The following DUSP6 variants were observed in gnomAD, a reference collection of about 807,000 sequenced individuals.
DUSP6 encodes the protein dual specificity protein phosphatase 6.
A neutral mutation model predicts 28.0 loss-of-function variants in DUSP6; 6 were observed. The observed-to-expected ratio is 0.21, with a 90% CI of 0.12 to 0.42. The LOEUF (loss-of-function observed/expected upper bound fraction) is 0.42, where lower values mean the gene tolerates loss of function less well. Among genes scored for constraint, DUSP6 ranks in the 10% least tolerant of loss-of-function variants. DUSP6 has a pLI of 1.00. For missense variants in DUSP6, 451 were observed against 498.1 expected, an observed-to-expected ratio of 0.91 and a Z score of 0.90; for synonymous variants, 252 against 217.5, an observed-to-expected ratio of 1.16 and a Z score of -1.40.
In DUSP6 at chr12:89,347,606, C is replaced by G. The variant is rs1183613472; in HGVS notation, c.*1648G>C. 3 of 152,170 alleles carry G rather than the reference C, an allele frequency of 2.0e-5. No homozygotes were observed. Among genetic ancestry groups the G allele is most frequent in the African/African-American group, 7.2e-5 (3 of 41,438 alleles). 9.4% of individuals were successfully genotyped at this position (152,170 alleles called of 1,614,324 possible). On this transcript the variant is annotated 3_prime_UTR_variant, in exon 3 of 3. Coordinates refer to ENST00000279488, the MANE Select transcript of DUSP6 (RefSeq NM_001946.4). ...CTGCAGGTAGAATTGCCCATGACAACAGACTGGAAAAAGAATTATCCCTAC... is the reference window on the plus strand; with the variant it reads ...CTGCAGGTAGAATTGCCCATGACAAGAGACTGGAAAAAGAATTATCCCTAC...
Position 89,348,453 on chromosome 12 carries a change from G to C in DUSP6, c.*801C>G, listed in dbSNP as rs1059403. On this transcript the variant is annotated 3_prime_UTR_variant, in exon 3 of 3. Coordinates refer to ENST00000279488, the MANE Select transcript of DUSP6 (RefSeq NM_001946.4). Reference sequence around the variant, plus strand: ...AAAATATTTACAAAGGTAAGGCATAGTCAAACTACATAAAGAGAAAAAATC... The same window carrying C: ...AAAATATTTACAAAGGTAAGGCATACTCAAACTACATAAAGAGAAAAAATC... 6 of 135,452 alleles carry C rather than the reference G, an allele frequency of 4.4e-5. No individual in the cohort carries two copies. The highest frequency in any genetic ancestry group is 1.5e-4 in the African/African-American group (6 of 38,924). The allele number at this position is 135,452 out of a possible 1,614,324, so 8.4% of individuals were successfully genotyped here. A position where few individuals can be genotyped will look rare whatever the true frequency, so the allele number is the denominator to read the frequency against.
At position 89,352,250 on chromosome 12, in the gene DUSP6, T is replaced by C. The variant is rs575824258; in HGVS notation, c.-211A>G. The C allele has an allele frequency of 6.1e-6, 4 of 654,484 alleles. No homozygotes were observed. Among genetic ancestry groups the C allele is most frequent in the East Asian group, 2.8e-5 (1 of 36,076 alleles). The allele number at this position is 654,484 out of a possible 1,614,324, so 40.5% of individuals were successfully genotyped here. On this transcript the variant is annotated 5_prime_UTR_variant, in exon 1 of 3. Transcript: ENST00000279488. ...CCCAGCTGCAGCCGCTGGCTCTTAG[T>C]GTCAATGAATCTCTCTCAATGAAGC... is the stretch of plus-strand genomic sequence containing the variant.
chr12:89,349,111 C>T lies in DUSP6; in HGVS notation c.*143G>A. 1.2e-6 allele frequency: 1 copy of T among 854,228 alleles called. No individual in the cohort carries two copies. Among genetic ancestry groups the T allele is most frequent in the Non-Finnish European group, 1.8e-6 (1 of 555,892 alleles). 52.9% of individuals were successfully genotyped at this position (854,228 alleles called of 1,614,324 possible). A position where few individuals can be genotyped will look rare whatever the true frequency, so the allele number is the denominator to read the frequency against. ...TCTCTGTTAGTATTAACCAATTCCG[C>T]ACTTGGTAACCTTGTCTAGTACAGA... On this transcript the variant is annotated 3_prime_UTR_variant, in exon 3 of 3. Coordinates refer to ENST00000279488, the MANE Select transcript of DUSP6 (RefSeq NM_001946.4).
In DUSP6 at chr12:89,347,910, T is replaced by G. The variant is rs1879034509; in HGVS notation, c.*1344A>C. ...ATCTTTATTCGTGGCAAACGATGAATTTCATAAACTGCTGCTGAAAAACGT... is the reference window on the plus strand; with the variant it reads ...ATCTTTATTCGTGGCAAACGATGAAGTTCATAAACTGCTGCTGAAAAACGT... On this transcript the variant is annotated 3_prime_UTR_variant, in exon 3 of 3. Transcript: ENST00000279488. 1 of 152,186 alleles carries G rather than the reference T, an allele frequency of 6.6e-6. No individual in the cohort carries two copies. The highest frequency in any genetic ancestry group is 1.5e-5 in the Non-Finnish European group (1 of 68,030). 9.4% of individuals were successfully genotyped at this position (152,186 alleles called of 1,614,324 possible).
Position 89,348,381 on chromosome 12 carries a change from T to C in DUSP6, c.*873A>G, listed in dbSNP as rs764588778. 2.6e-5 allele frequency: 4 copies of C among 152,604 alleles called. No homozygotes were observed. The highest frequency in any genetic ancestry group is 4.8e-5 in the African/African-American group (2 of 41,448). The allele number at this position is 152,604 out of a possible 1,614,324, so 9.5% of individuals were successfully genotyped here. Reference sequence around the variant, plus strand: ...TCTTTCTTTTTTTAAAGTGAGCCCATGATTTGGTGTCTTTCCCAGATTATC... The same window carrying C: ...TCTTTCTTTTTTTAAAGTGAGCCCACGATTTGGTGTCTTTCCCAGATTATC... On this transcript the variant is annotated 3_prime_UTR_variant, in exon 3 of 3. Transcript: ENST00000279488.
In DUSP6 at chr12:89,351,842, C is replaced by T; in HGVS notation, c.198G>A (p.Leu66=). The change falls in exon 1 of 3, where the codon CTG becomes CTA. Residue 66 remains leucine (L), a synonymous_variant. Transcript: ENST00000279488. The stretch of plus-strand genomic sequence containing the variant: ...CGCGCACCGGCAGGTTACCCTTCTG[C>T]AGGCGCCGCAGCATGATGCCCGGGA... ...VAIPGIMLRR[L]QKGNLPVRAL... 4 of 1,611,772 alleles carry T rather than the reference C, an allele frequency of 2.5e-6. No homozygotes were observed. The highest frequency in any genetic ancestry group is 3.4e-6 in the Non-Finnish European group (4 of 1,179,650).
chr12:89,351,962 C>T lies in DUSP6; in HGVS notation c.78G>A (p.Gln26=). 2 of 1,613,078 alleles carry T rather than the reference C, an allele frequency of 1.2e-6. No individual in the cohort carries two copies. The highest frequency in any genetic ancestry group is 1.7e-6 in the Non-Finnish European group (2 of 1,179,962). ...ISKTVAWLNE[Q]LELGNERLLL... ...GCAGCCGCTCGTTGCCCAGCTCCAGCTGCTCGTTGAGCCACGCCACCGTCT... is the reference window on the plus strand; with the variant it reads ...GCAGCCGCTCGTTGCCCAGCTCCAGTTGCTCGTTGAGCCACGCCACCGTCT... The change falls in exon 1 of 3, where the codon CAG becomes CAA. Residue 26 remains glutamine, a synonymous_variant. Coordinates refer to ENST00000279488, the MANE Select transcript of DUSP6 (RefSeq NM_001946.4).
Position 89,349,392 on chromosome 12 carries a change from G to A in DUSP6, c.1008C>T (p.Phe336=), listed in dbSNP as rs1364678763. The A allele has an allele frequency of 6.2e-7, 1 of 1,614,202 alleles. No individual in the cohort carries two copies. Among genetic ancestry groups the A allele is most frequent in the African/African-American group, 1.3e-5 (1 of 75,050 alleles). Residue 336 remains phenylalanine (F), a synonymous_variant, in exon 3 of 3, where the codon TTC becomes TTT. Coordinates refer to ENST00000279488, the MANE Select transcript of DUSP6 (RefSeq NM_001946.4). The part of the protein sequence containing the change: ...KKSNISPNFN[F]MGQLLDFERT... Reference sequence around the variant, plus strand: ...TCTCGAAGTCCAGCAGCTGACCCATGAAGTTGAAGTTAGGGGATATGTTGG... The same window carrying A: ...TCTCGAAGTCCAGCAGCTGACCCATAAAGTTGAAGTTAGGGGATATGTTGG...
chr12:89,350,403 T>C (rs1879141348), intron 2 of DUSP6, among the ~76,000 whole-genome samples, 185 bp downstream of exon 2: 2 of 152,208 alleles, frequency 1.3e-5, no homozygotes, highest in Admixed American at 6.5e-5. Context: ...TCTGCAGCCA[T>C]GTCAAAAGGC....
chr12:89,351,194 A>G, intron 1 of DUSP6, 169 bp from the exon 2 acceptor site: 1 of 807,318 alleles, frequency 1.2e-6, no homozygotes, highest in Non-Finnish European at 1.9e-6. Flanking sequence ...TCGGGAATGG[A>G]ACGAACGGGC....
intron 2 of DUSP6, 124 bp from the exon 3 acceptor site, chr12:89,349,685 T>G: frequency 1.5e-6 from 1 of 675,158 alleles, no homozygotes; most frequent in Non-Finnish European, 2.5e-6. Flanking sequence ...AGTTGAGCCC[T>G]ACAAGCAGCA....
chr12:89,348,271 C>T lies in DUSP6; in HGVS notation c.*983G>A, dbSNP rs1376904232. 1 of 152,534 alleles carries T rather than the reference C, an allele frequency of 6.6e-6. No homozygotes were observed. The highest frequency in any genetic ancestry group is 1.5e-5 in the Non-Finnish European group (1 of 68,028). The allele number at this position is 152,534 out of a possible 1,614,324, so 9.4% of individuals were successfully genotyped here. On this transcript the variant is annotated 3_prime_UTR_variant, in exon 3 of 3. Transcript: ENST00000279488. ...TTTTTTTAAAGGAAAGAAACCAACC[C>T]AAAGTATTGCATTTGAGGTGACACT... is the stretch of plus-strand genomic sequence containing the variant.
At position 89,352,012 on chromosome 12, in the gene DUSP6, A is replaced by G. The variant is rs777653842; in HGVS notation, c.28T>C (p.Phe10Leu). 1 of 1,612,958 alleles carries G rather than the reference A, an allele frequency of 6.2e-7. No individual in the cohort carries two copies. Among genetic ancestry groups the G allele is most frequent in the South Asian group, 1.1e-5 (1 of 91,070 alleles). MIDTLRPVP[F>L]ASEMAISKTV... ...TTGCTGATCGCCATTTCCGACGCGA[A>G]GGGCACGGGTCTGAGCGTATCTATC... Residue 10 changes from phenylalanine to leucine, a missense_variant, in exon 1 of 3, where the codon TTC (phenylalanine) becomes CTC (leucine). By Grantham distance (22) the Phe-to-Leu change is conservative. This residue lies in a region of DUSP6 where 347 missense variants were observed against 346.6 expected (regional missense o/e 1.00). Transcript: ENST00000279488.
chr12:89,350,527 C>CT (rs1284107182), intron 2 of DUSP6, 61 bp downstream of exon 2: 64 of 1,509,614 alleles, frequency 4.2e-5, no homozygotes, highest in Admixed American at 8.7e-5. Flanking sequence ...AGCTTAAACT[C>CT]TATGAATGGC....
At chr12:89,350,021 A>T (rs947807259) in intron 2 of DUSP6, among the ~76,000 whole-genome samples, 3 of 152,206 alleles carry the variant, frequency 2.0e-5, no homozygotes, top group Non-Finnish European at 4.4e-5. Flanking sequence ...CGGCCTGAAA[A>T]TGAGTTCCTT....
chr12:89,350,034 T>C (rs1879127745), intron 2 of DUSP6, among the ~76,000 whole-genome samples: 1 of 152,176 alleles, frequency 6.6e-6, no homozygotes, highest in South Asian at 2.1e-4. Flanking sequence ...AGTTCCTTTG[T>C]AATAGGAAAT....
chr12:89,350,694 C>T lies in DUSP6; in HGVS notation c.732G>A (p.Pro244=). The T allele has an allele frequency of 6.2e-7, 1 of 1,614,090 alleles. No homozygotes were observed. Among genetic ancestry groups the T allele is most frequent in the Non-Finnish European group, 8.5e-7 (1 of 1,180,014 alleles). The change falls in exon 2 of 3, where the codon CCG becomes CCA. Residue 244 remains proline, a synonymous_variant. Transcript: ENST00000279488. Reference sequence around the variant, plus strand: ...ACTCTCCTGCGTTCTCAAAGAGATTCGGCAAATTGGGGGTGACGTTCAAGA... The same window carrying T: ...ACTCTCCTGCGTTCTCAAAGAGATTTGGCAAATTGGGGGTGACGTTCAAGA... The part of the protein sequence containing the change: ...KYILNVTPNL[P]NLFENAGEFK...
In DUSP6 at chr12:89,349,812, G is replaced by A. The variant is rs769701; in HGVS notation, c.839-251C>T. ...GCCAACAAAAAACTCCTTAATGGGT[G>A]CATTCTTTGCCTCGGCATGTGAATA... is the stretch of plus-strand genomic sequence containing the variant. On this transcript the variant is annotated intron_variant, in intron 2 of 2. Coordinates refer to ENST00000279488, the MANE Select transcript of DUSP6 (RefSeq NM_001946.4). 0.24 allele frequency among the ~76,000 whole-genome samples: 36,871 copies of A among 152,120 alleles called. 5,171 individuals carry two copies. Among genetic ancestry groups the A allele is most frequent in the African/African-American group, 0.39 (15,968 of 41,452 alleles).
rs776225487 is a variant in DUSP6 at position 89,351,826 on chromosome 12, G to A, written c.214C>T (p.Pro72Ser). The A allele has an allele frequency of 2.4e-5, 39 of 1,611,224 alleles. No individual in the cohort carries two copies. Among genetic ancestry groups the A allele is most frequent in the Non-Finnish European group, 3.2e-5 (38 of 1,179,502 alleles). ...CCGCGCGTGAAGAGCGCGCGCACCG[G>A]CAGGTTACCCTTCTGCAGGCGCCGC... ...MLRRLQKGNL[P>S]VRALFTRGED... The change falls in exon 1 of 3, where the codon CCG (proline) becomes TCG (serine). Residue 72 changes from proline (P) to serine (S), a missense_variant. By Grantham distance (74) the Pro-to-Ser change is moderately conservative (BLOSUM62 -1). This residue lies in a region of DUSP6 where 347 missense variants were observed against 346.6 expected (regional missense o/e 1.00). Coordinates refer to ENST00000279488, the MANE Select transcript of DUSP6 (RefSeq NM_001946.4).
Sources: allele counts gnomAD v4.1 joint callset (sites outside exome capture counted in the v4.1 genomes callset), GRCh38; gene constraint gnomAD v4.1.1; regional missense constraint gnomAD v4.1.1; transcripts MANE v1.5; gene names NCBI Gene and HGNC (gene_info 2026-07-23, HGNC 2026-07-21).